Variants in TNFRSF10B observed in about 807,000 individuals in gnomAD.
TNFRSF10B encodes the protein tumor necrosis factor receptor superfamily member 10B.
Under a neutral mutation model 41.4 loss-of-function variants are expected in TNFRSF10B, and 35 were observed. That is an observed-to-expected ratio of 0.85 (90% CI 0.65 to 1.12). TNFRSF10B has a LOEUF of 1.12. Among genes scored for constraint, TNFRSF10B ranks in the 50% most tolerant of loss-of-function variants. The pLI is 0.00. For synonymous variants in TNFRSF10B, 230 were observed against 215.5 expected (o/e 1.07, Z -0.59); for missense variants, 584 against 552.7 (o/e 1.06, Z -0.57).
Position 23,043,208 on chromosome 8 carries a change from G to T in TNFRSF10B, c.180C>A (p.Asp60Glu), listed in dbSNP as rs747943006. 16 of 1,613,982 alleles carry T rather than the reference G, an allele frequency of 9.9e-6. No individual in the cohort carries two copies. The highest frequency in any genetic ancestry group is 1.4e-5 in the Non-Finnish European group (16 of 1,180,024). ...SAESALITQQ[D>E]LAPQQRAAPQ... ...GGGCCGCTCTCTGCTGGGGAGCTAG[G>T]TCTTGTTGGGTGATCAGAGCAGACT... is the stretch of plus-strand genomic sequence containing the variant. The change falls in exon 2 of 9, where the codon GAC becomes GAA. Residue 60 changes from aspartate (D) to glutamate (E), a missense_variant. Transcript: ENST00000276431.
At chr8:23,041,339 G>A (rs1269963445) in intron 2 of TNFRSF10B, among the ~76,000 whole-genome samples, 1 of 152,078 alleles carries the variant, frequency 6.6e-6, no homozygotes, top group African/African-American at 2.4e-5. Context: ...TTACAGGTGT[G>A]AGTCACTGCG....
intron 1 of TNFRSF10B, 143 bp from the exon 2 acceptor site, chr8:23,043,386 T>TA (rs992748286): frequency 6.0e-6 from 4 of 664,628 alleles, no homozygotes; most frequent in African/African-American, 3.6e-5. Context: ...AAACATCCTT[T>TA]AGTGTTTGTT....
chr8:23,042,292 C>A (rs1812224615), intron 2 of TNFRSF10B, among the ~76,000 whole-genome samples: 1 of 152,190 alleles, frequency 6.6e-6, no homozygotes, highest in Non-Finnish European at 1.5e-5. Context: ...TTTCCTGTGG[C>A]CCTTAGTCAT....
intron 1 of TNFRSF10B, among the ~76,000 whole-genome samples, chr8:23,051,635 C>T (rs1362455778): frequency 1.3e-5 from 2 of 151,954 alleles, no homozygotes; most frequent in South Asian, 2.1e-4. Flanking sequence ...AGCTCTGCCT[C>T]CCGGGTTCAC....
At position 23,068,860 on chromosome 8, in the gene TNFRSF10B, G is replaced by A; in HGVS notation, c.35C>T (p.Ser12Leu). ...EQRGQNAPAA[S>L]GARKRHGPGP... ...TGGGCCGTGCCTTTTCCGGGCCCCC[G>A]AAGCGGCCGGGGCGTTCTGTCCCCG... Residue 12 changes from serine (S) to leucine (L), a missense_variant, in exon 1 of 9, where the codon TCG becomes TTG. Coordinates refer to ENST00000276431, the MANE Select transcript of TNFRSF10B (RefSeq NM_003842.5). The A allele has an allele frequency of 1.2e-6, 2 of 1,613,446 alleles. No individual in the cohort carries two copies. The highest frequency in any genetic ancestry group is 1.7e-6 in the Non-Finnish European group (2 of 1,179,952).
chr8:23,028,108 C>T, intron 5 of TNFRSF10B: 2 of 638,130 alleles, frequency 3.1e-6, no homozygotes, highest in Non-Finnish European at 5.4e-6. Context: ...CTGGACTTGG[C>T]TGGGAGATAT....
chr8:23,061,694 T>C (rs578062784), intron 1 of TNFRSF10B, among the ~76,000 whole-genome samples: 7 of 152,300 alleles, frequency 4.6e-5, no homozygotes, highest in South Asian at 2.1e-4. Context: ...TTTTATGATG[T>C]TGTGGAAGTT....
chr8:23,052,104 A>T (rs1440077002), intron 1 of TNFRSF10B, among the ~76,000 whole-genome samples: 2 of 152,142 alleles, frequency 1.3e-5, no homozygotes, highest in African/African-American at 4.8e-5. Flanking sequence ...TAATCTGGGT[A>T]AATGATTAAA....
chr8:23,060,209 T>C (rs896340720), intron 1 of TNFRSF10B, among the ~76,000 whole-genome samples: 4 of 152,256 alleles, frequency 2.6e-5, no homozygotes, highest in Non-Finnish European at 5.9e-5. Flanking sequence ...CAAGAAATTA[T>C]TGCCAAATCC....
Position 23,022,081 on chromosome 8 carries a change from A to AGC in TNFRSF10B, c.*588_*589dup, listed in dbSNP as rs1348425842. ...CGAGACCACCCTGAGCAACATAGAG[A>AGC]GCCCCTATATCTAGACAAAATACAA... On this transcript the variant is annotated 3_prime_UTR_variant, in exon 9 of 9. Coordinates refer to ENST00000276431, the MANE Select transcript of TNFRSF10B (RefSeq NM_003842.5). The AGC allele has an allele frequency of 2.3e-6, 1 of 433,406 alleles. No individual in the cohort carries two copies. Among genetic ancestry groups the AGC allele is most frequent in the Non-Finnish European group, 4.6e-6 (1 of 217,880 alleles). 26.8% of individuals were successfully genotyped at this position (433,406 alleles called of 1,614,324 possible).
At chr8:23,044,578 G>A (rs1368358720) in intron 1 of TNFRSF10B, among the ~76,000 whole-genome samples, 6 of 152,070 alleles carry the variant, frequency 3.9e-5, no homozygotes, top group Non-Finnish European at 5.9e-5. Flanking sequence ...AATTTTAAGA[G>A]TATATTAGAA....
rs1239186595 is a variant in TNFRSF10B at position 23,024,229 on chromosome 8, C to T, written c.968G>A (p.Arg323Lys). The change falls in exon 8 of 9, where the codon AGG (arginine) becomes AAG (lysine). Residue 323 changes from arginine (R) to lysine (K), a missense_variant. Arg to Lys is a conservative substitution (Grantham distance 26, BLOSUM62 2). Coordinates refer to ENST00000276431, the MANE Select transcript of TNFRSF10B (RefSeq NM_003842.5). ...TTCATTTGCTGGAACCAGCAGCCTC[C>T]TCCTCTGAGACCTTTCAGCTTCTGC... ...EPAEAERSQR[R>K]RLLVPANEGD... The T allele has an allele frequency of 2.5e-6, 4 of 1,614,028 alleles. No individual in the cohort carries two copies. Among genetic ancestry groups the T allele is most frequent in the Middle Eastern group, 1.6e-4 (1 of 6,084 alleles).
intron 1 of TNFRSF10B, 84 bp downstream of exon 1, chr8:23,068,667 C>T (rs1399457842): frequency 7.3e-6 from 11 of 1,510,788 alleles, no homozygotes; most frequent in Admixed American, 2.1e-5. Context: ...GGGCCACGCA[C>T]CCCCGCCGTG....
Position 23,027,241 on chromosome 8 carries a change from C to T in TNFRSF10B, c.828G>A (p.Val276=), listed in dbSNP as rs764183847. 6.2e-7 allele frequency: 1 copy of T among 1,614,066 alleles called. No homozygotes were observed. The highest frequency in any genetic ancestry group is 1.3e-5 in the African/African-American group (1 of 74,916). Reference sequence around the variant, plus strand: ...GGACCTGGGTGGGCTGCAAGATACTCACGATCTCATTGAGGACATTGTCCT... The same window carrying T: ...GGACCTGGGTGGGCTGCAAGATACTTACGATCTCATTGAGGACATTGTCCT... ...GAEDNVLNEI[V]SILQPTQVPE... is the part of the protein sequence containing the mutation. Residue 276 remains valine (V), a synonymous_variant, in exon 7 of 9, where the codon GTG becomes GTA. Coordinates refer to ENST00000276431, the MANE Select transcript of TNFRSF10B (RefSeq NM_003842.5).
chr8:23,066,876 G>A (rs1813000464), intron 1 of TNFRSF10B, among the ~76,000 whole-genome samples: 4 of 151,780 alleles, frequency 2.6e-5, no homozygotes, highest in South Asian at 2.1e-4. Context: ...CAGCCTAGGC[G>A]ACAGAGGCAA....
intron 1 of TNFRSF10B, among the ~76,000 whole-genome samples, chr8:23,047,616 C>T (rs116435002): frequency 0.012 from 1,841 of 151,368 alleles, no homozygotes; most frequent in African/African-American, 0.042. Context: ...CTCAACATCA[C>T]GAATCATTAG....
Position 23,024,266 on chromosome 8 carries a change from A to G in TNFRSF10B, c.937-6T>C. On this transcript the variant is annotated splice_region_variant and splice_polypyrimidine_tract_variant and intron_variant, in intron 7 of 8. Transcript: ENST00000276431. ...CTTTCAGCTTCTGCCGGTTCCTGTA[A>G]CACATAGTGGGGAATGTCCTGGTCA... 1 of 1,613,888 alleles carries G rather than the reference A, an allele frequency of 6.2e-7. No individual in the cohort carries two copies. Among genetic ancestry groups the G allele is most frequent in the Non-Finnish European group, 8.5e-7 (1 of 1,179,918 alleles).
At position 23,028,332 on chromosome 8, in the gene TNFRSF10B, T is replaced by G. The variant is rs767331678; in HGVS notation, c.747A>C (p.Ser249=). ...KVLPYLKGIC[S]GGGGDPERVD... ...CCCCCGCCCTCAGCCAGCACCTACC[T>G]GAGCAGATGCCTTTCAGGTAAGGAA... The change falls in exon 5 of 9, where the codon TCA becomes TCC. Residue 249 remains serine, a splice_region_variant and synonymous_variant. Transcript: ENST00000276431. 6.2e-7 allele frequency: 1 copy of G among 1,614,008 alleles called. No individual in the cohort carries two copies. Among genetic ancestry groups the G allele is most frequent in the East Asian group, 2.2e-5 (1 of 44,880 alleles).
intron 1 of TNFRSF10B, among the ~76,000 whole-genome samples, chr8:23,058,732 G>C (rs561526434): frequency 1.3e-5 from 2 of 152,014 alleles, no homozygotes; most frequent in South Asian, 2.1e-4. Flanking sequence ...TGATCTGCTC[G>C]CTTCACCCTC....
Sources: gnomAD v4.1 joint callset for allele counts (sites outside exome capture counted in the v4.1 genomes callset) on GRCh38, gnomAD v4.1.1 for gene constraint, MANE v1.5 for transcripts, NCBI Gene and HGNC (gene_info 2026-07-23, HGNC 2026-07-21) for gene names.